The following TMEM39B variants were observed in gnomAD, a reference collection of about 807,000 sequenced individuals.
TMEM39B encodes the protein transmembrane protein 39B.
TMEM39B carries 23 observed loss-of-function variants against 52.2 expected under a neutral mutation model. The ratio of observed to expected loss-of-function variants is 0.44; its 90% CI spans 0.32 to 0.62. TMEM39B has a LOEUF of 0.62. Among genes scored for constraint, TMEM39B ranks in the 20% least tolerant of loss-of-function variants. TMEM39B has a pLI of 0.06. For synonymous variants in TMEM39B, 285 were observed against 264.0 expected (o/e 1.08, Z -0.77); for missense variants, 547 against 642.0 (o/e 0.85, Z 1.60).
chr1:32,078,496 AC>A (rs953756913), intron 5 of TMEM39B, among the ~76,000 whole-genome samples: 18 of 152,188 alleles, frequency 1.2e-4, no homozygotes, highest in Admixed American at 2.6e-4. Context: ...AAAAAAAAAA[AC>A]ATTATAATGT....
At chr1:32,091,546 T>TGGCCATTGGATGGTAG in intron 5 of TMEM39B, 129 bp from the exon 6 acceptor site, 1 of 1,004,160 alleles carries the variant, frequency 1.0e-6, no homozygotes, top group Non-Finnish European at 1.4e-6. Context: ...ATGGAAGGAC[T>TGGCCATTGGATGGTAG]GGTAAATTCT....
At position 32,075,796 on chromosome 1, in the gene TMEM39B, T is replaced by G; in HGVS notation, c.325T>G (p.Ser109Ala). The change falls in exon 3 of 9, where the codon TCC becomes GCC. Residue 109 changes from serine (S) to alanine (A), a missense_variant. Ser to Ala is a moderately conservative substitution (Grantham distance 99). Coordinates refer to ENST00000336294, the MANE Select transcript of TMEM39B (RefSeq NM_018056.4). Reference protein sequence around the residue: ...IYKTVWWYPPSHPPSHTSLNF... With the variant: ...IYKTVWWYPPAHPPSHTSLNF... ...CAAGACAGTGTGGTGGTATCCACCT[T>G]CCCACCCACCCTCCCACACCTCCCT... The G allele has an allele frequency of 6.6e-7, 1 of 1,519,146 alleles. No homozygotes were observed. Among genetic ancestry groups the G allele is most frequent in the Non-Finnish European group, 8.9e-7 (1 of 1,124,472 alleles). 94.1% of individuals were successfully genotyped at this position (1,519,146 alleles called of 1,614,324 possible).
chr1:32,082,808 T>C (rs1229483606), intron 5 of TMEM39B, among the ~76,000 whole-genome samples: 1 of 151,704 alleles, frequency 6.6e-6, no homozygotes, highest in Non-Finnish European at 1.5e-5. Flanking sequence ...GGAGTCTCGC[T>C]CTGTCGCCCA....
chr1:32,077,439 T>C, intron 5 of TMEM39B, 121 bp downstream of exon 5: 1 of 1,253,478 alleles, frequency 8.0e-7, no homozygotes, highest in Non-Finnish European at 1.1e-6. Flanking sequence ...CAACATCCTC[T>C]CACATTGTCA....
chr1:32,075,493 C>T (rs1639816060), intron 2 of TMEM39B, 110 bp from the exon 3 acceptor site: 1 of 1,144,332 alleles, frequency 8.7e-7, no homozygotes, highest in Non-Finnish European at 1.2e-6. Flanking sequence ...AAGACCCCGT[C>T]CTTGCTATGA....
At chr1:32,099,432 G>A (rs1640936486) in intron 7 of TMEM39B, among the ~76,000 whole-genome samples, 1 of 152,072 alleles carries the variant, frequency 6.6e-6, no homozygotes, top group Admixed American at 6.6e-5. Context: ...AAACCTGCAT[G>A]TTGTACACAT....
chr1:32,076,933 C>A, intron 4 of TMEM39B, 87 bp downstream of exon 4: 2 of 1,486,410 alleles, frequency 1.3e-6, no homozygotes, highest in Non-Finnish European at 1.9e-6. Flanking sequence ...GCCCTTCAGC[C>A]TTAGGGTATT....
chr1:32,080,454 A>T (rs2124441668), intron 5 of TMEM39B, among the ~76,000 whole-genome samples: 1 of 151,270 alleles, frequency 6.6e-6, no homozygotes, highest in South Asian at 2.1e-4. Flanking sequence ...TCACGAGGTC[A>T]GGAGATTGAG....
chr1:32,101,455 C>CAA (rs1296233052), intron 8 of TMEM39B, among the ~76,000 whole-genome samples: 1 of 150,960 alleles, frequency 6.6e-6, no homozygotes. Flanking sequence ...AAAAAACAAT[C>CAA]AGAGGCCAAA....
intron 5 of TMEM39B, 42 bp downstream of exon 5, chr1:32,077,360 C>A: frequency 6.2e-7 from 1 of 1,610,926 alleles, no homozygotes. Context: ...CAGCACCTGG[C>A]CCCTGACCTC....
chr1:32,090,106 G>A (rs1640542040), intron 5 of TMEM39B, among the ~76,000 whole-genome samples: 1 of 151,952 alleles, frequency 6.6e-6, no homozygotes, highest in South Asian at 2.1e-4. Context: ...GTGGGGGTGT[G>A]TAATTCTGAG....
intron 5 of TMEM39B, among the ~76,000 whole-genome samples, chr1:32,081,007 A>G (rs1640071799): frequency 6.6e-6 from 1 of 151,858 alleles, no homozygotes; most frequent in South Asian, 2.1e-4. Context: ...TTCAGCGTGG[A>G]CAACAGAGTG....
At chr1:32,088,383 C>T (rs560114115) in intron 5 of TMEM39B, among the ~76,000 whole-genome samples, 3 of 151,898 alleles carry the variant, frequency 2.0e-5, no homozygotes, top group East Asian at 1.9e-4. Flanking sequence ...CGCCACTGCC[C>T]TCCAGCCTGG....
In TMEM39B at chr1:32,077,326, C is replaced by G; in HGVS notation, c.590+8C>G. The G allele has an allele frequency of 6.2e-7, 1 of 1,614,038 alleles. No individual in the cohort carries two copies. Among genetic ancestry groups the G allele is most frequent in the Non-Finnish European group, 8.5e-7 (1 of 1,179,932 alleles). ...CCTGTTCCTCTGCTATCCGTGAGTA[C>G]CCCTCACTTCACCCCTCACTGCCCA... is the stretch of plus-strand genomic sequence containing the variant. On this transcript the variant is annotated splice_region_variant and intron_variant, in intron 5 of 8. Coordinates refer to ENST00000336294, the MANE Select transcript of TMEM39B (RefSeq NM_018056.4).
chr1:32,077,256 C>T lies in TMEM39B; in HGVS notation c.528C>T (p.Cys176=), dbSNP rs1044886722. The T allele has an allele frequency of 6.2e-7, 1 of 1,614,190 alleles. No individual in the cohort carries two copies. The highest frequency in any genetic ancestry group is 8.5e-7 in the Non-Finnish European group (1 of 1,180,038). ...TCACGGCAACAGGCTGGAGTCTGTG[C>T]CGATCCCTCATCCACCTCTTCAGGA... ...TVLTATGWSL[C]RSLIHLFRTY... The change falls in exon 5 of 9, where the codon TGC becomes TGT. Residue 176 remains cysteine, a synonymous_variant. Transcript: ENST00000336294.
intron 6 of TMEM39B, among the ~76,000 whole-genome samples, chr1:32,092,613 C>A (rs993944568): frequency 2.6e-5 from 4 of 152,196 alleles, no homozygotes; most frequent in Admixed American, 2.6e-4. Context: ...GCATCAGCCT[C>A]CCAAGTAGCT....
upstream of TMEM39B, chr1:32,072,822 C>A: frequency 3.6e-6 from 2 of 552,236 alleles, no homozygotes; most frequent in Non-Finnish European, 6.3e-6. Flanking sequence ...CGTGGGGGAC[C>A]GAGAGACAAA....
At chr1:32,087,651 C>CT (rs916708172) in intron 5 of TMEM39B, 29 of 140,220 alleles carry the variant, frequency 2.1e-4, no homozygotes, top group South Asian at 4.7e-4. Context: ...TTTCATCTCT[C>CT]TTTTTTTTTT....
chr1:32,079,481 G>T (rs759962968), intron 5 of TMEM39B, among the ~76,000 whole-genome samples: 1 of 152,044 alleles, frequency 6.6e-6, no homozygotes, highest in Non-Finnish European at 1.5e-5. Flanking sequence ...ACCGCGCCTG[G>T]CCAACCTGTT....
Sources: allele counts gnomAD v4.1 joint callset (sites outside exome capture counted in the v4.1 genomes callset), GRCh38; gene constraint gnomAD v4.1.1; transcripts MANE v1.5; gene names NCBI Gene and HGNC (gene_info 2026-07-23, HGNC 2026-07-21).